Variants in SLC9A9 observed in about 807,000 individuals in gnomAD.
SLC9A9 encodes the protein sodium/hydrogen exchanger 9.
A neutral mutation model predicts 77.8 loss-of-function variants in SLC9A9; 62 were observed. The ratio of observed to expected loss-of-function variants is 0.80; its 90% CI spans 0.65 to 0.98. The LOEUF (loss-of-function observed/expected upper bound fraction) is 0.98. SLC9A9 is among the 50% of genes least tolerant of loss of function. The pLI is 0.00. For synonymous variants in SLC9A9, 320 were observed against 283.5 expected, an observed-to-expected ratio of 1.13 and a Z score of -1.29; for missense variants, 775 against 774.9, an observed-to-expected ratio of 1.00 and a Z score of 0.00.
At chr3:143,729,022 C>T (rs1357520463) in intron 4 of SLC9A9, among the ~76,000 whole-genome samples, 2 of 152,150 alleles carry the variant, frequency 1.3e-5, no homozygotes, top group Admixed American at 6.5e-5. Context: ...TTCCCTGCCT[C>T]ATAATGAAAG....
At chr3:143,308,075 A>G (rs182007271) in intron 14 of SLC9A9, among the ~76,000 whole-genome samples, 41 of 152,264 alleles carry the variant, frequency 2.7e-4, no homozygotes, top group African/African-American at 7.0e-4. Context: ...CTTAACCACT[A>G]TGGTAGCTGA....
chr3:143,527,992 T>A (rs932002072), intron 9 of SLC9A9, among the ~76,000 whole-genome samples: 2 of 152,174 alleles, frequency 1.3e-5, no homozygotes, highest in Non-Finnish European at 2.9e-5. Flanking sequence ...TGAAAGTAGA[T>A]CTTTGGAGAG....
chr3:143,671,296 T>G (rs1196493673), intron 5 of SLC9A9, among the ~76,000 whole-genome samples: 2 of 152,208 alleles, frequency 1.3e-5, no homozygotes, highest in Non-Finnish European at 2.9e-5. Context: ...GGCTGCAAGT[T>G]AGCAAAAGTC....
intron 12 of SLC9A9, among the ~76,000 whole-genome samples, chr3:143,416,911 T>C (rs931300561): frequency 4.6e-5 from 7 of 152,196 alleles, no homozygotes; most frequent in African/African-American, 1.7e-4. Flanking sequence ...CATTTCATCA[T>C]AGGAGCTAGA....
intron 6 of SLC9A9, among the ~76,000 whole-genome samples, chr3:143,605,509 G>A (rs757415497): frequency 6.6e-6 from 1 of 152,216 alleles, no homozygotes; most frequent in Non-Finnish European, 1.5e-5. Context: ...TTGTTTAAGA[G>A]AAACTGAAAG....
chr3:143,517,025 TTGAG>T, intron 9 of SLC9A9: 2 of 732,094 alleles, frequency 2.7e-6, no homozygotes, highest in African/African-American at 1.8e-5. Context: ...TTTCTGTTTA[TTGAG>T]TAATTGAAAT....
chr3:143,779,454 C>T (rs1431841098), intron 4 of SLC9A9, among the ~76,000 whole-genome samples: 4 of 152,148 alleles, frequency 2.6e-5, no homozygotes. Context: ...TCACTGCAAC[C>T]TCCTCCTCCT....
chr3:143,812,157 A>T (rs1255853441), intron 2 of SLC9A9, among the ~76,000 whole-genome samples: 1 of 152,186 alleles, frequency 6.6e-6, no homozygotes, highest in Non-Finnish European at 1.5e-5. Flanking sequence ...GGCTACTGGA[A>T]ATATACTTTG....
At chr3:143,354,230 T>C (rs1383667232) in intron 14 of SLC9A9, among the ~76,000 whole-genome samples, 1 of 152,232 alleles carries the variant, frequency 6.6e-6, no homozygotes, top group East Asian at 1.9e-4. Flanking sequence ...TGTTACGAAA[T>C]CGCTGTTCCT....
At chr3:143,382,158 G>C (rs750169391) in intron 12 of SLC9A9, 44 bp from the exon 13 acceptor site, 1 of 1,604,970 alleles carries the variant, frequency 6.2e-7, no homozygotes, top group Non-Finnish European at 8.5e-7. Flanking sequence ...TGCTGCAGAA[G>C]GAATGAGACA....
At chr3:143,396,470 C>A (rs2033732757) in intron 12 of SLC9A9, among the ~76,000 whole-genome samples, 1 of 152,118 alleles carries the variant, frequency 6.6e-6, no homozygotes. Context: ...GAAGGGATAG[C>A]ATTAGGAGAT....
intron 2 of SLC9A9, among the ~76,000 whole-genome samples, chr3:143,831,318 A>G (rs2108888615): frequency 6.6e-6 from 1 of 152,316 alleles, no homozygotes; most frequent in East Asian, 1.9e-4. Flanking sequence ...ACAAGGCACC[A>G]CAAAAGATAA....
intron 4 of SLC9A9, among the ~76,000 whole-genome samples, chr3:143,715,034 T>G (rs952180191): frequency 6.6e-6 from 1 of 152,238 alleles, no homozygotes; most frequent in Non-Finnish European, 1.5e-5. Context: ...CTGTCATCCG[T>G]GTAAGACGTG....
chr3:143,500,329 A>C (rs2035904468), intron 9 of SLC9A9, among the ~76,000 whole-genome samples: 1 of 152,194 alleles, frequency 6.6e-6, no homozygotes, highest in East Asian at 1.9e-4. Flanking sequence ...TGTTATTAGG[A>C]AATTGTGTTA....
At position 143,385,266 on chromosome 3, in the gene SLC9A9, G is replaced by T. The variant is rs527610768; in HGVS notation, c.1470-3152C>A. Among the ~76,000 whole-genome samples the T allele has an allele frequency of 3.3e-5, 5 of 151,920 alleles. No homozygotes were observed. In the East Asian group the frequency reaches 9.7e-4, roughly 29 times the overall value. On this transcript the variant is annotated intron_variant, in intron 12 of 15. Coordinates refer to ENST00000316549, the MANE Select transcript of SLC9A9 (RefSeq NM_173653.4). ...TTTAATTTACTGTAGGACTAACCCT[G>T]ACAGTCAAATTTATTTTTATTTTCA...
At chr3:143,741,223 G>A (rs1005055126) in intron 4 of SLC9A9, among the ~76,000 whole-genome samples, 1 of 152,060 alleles carries the variant, frequency 6.6e-6, no homozygotes, top group Non-Finnish European at 1.5e-5. Context: ...GAAATATATA[G>A]CATAAGCCTG....
intron 6 of SLC9A9, among the ~76,000 whole-genome samples, chr3:143,612,949 A>G (rs1462760551): frequency 6.6e-6 from 1 of 152,238 alleles, no homozygotes; most frequent in African/African-American, 2.4e-5. Flanking sequence ...AGAAAGATAT[A>G]TATTAAAAAA....
chr3:143,778,832 A>G (rs546912021), intron 4 of SLC9A9, among the ~76,000 whole-genome samples: 60 of 152,274 alleles, frequency 3.9e-4, no homozygotes, highest in Admixed American at 1.4e-3. Flanking sequence ...AAGATTAGAG[A>G]CCCAGCTCCT....
chr3:143,275,085 T>C (rs1938006484), intron 14 of SLC9A9, among the ~76,000 whole-genome samples: 2 of 152,218 alleles, frequency 1.3e-5, no homozygotes, highest in South Asian at 4.1e-4. Flanking sequence ...CAAGGGTTCA[T>C]GGGAACAATA....
Sources: gnomAD v4.1 joint callset for allele counts (sites outside exome capture counted in the v4.1 genomes callset) on GRCh38, gnomAD v4.1.1 for gene constraint, MANE v1.5 for transcripts, NCBI Gene and HGNC (gene_info 2026-07-23, HGNC 2026-07-21) for gene names.